The following DIAPH3 variants were observed in gnomAD, a reference collection of about 807,000 sequenced individuals.
The protein encoded by DIAPH3 is protein diaphanous homolog 3.
DIAPH3 carries 117 observed loss-of-function variants against 144.3 expected under a neutral mutation model. The ratio of observed to expected loss-of-function variants is 0.81; its 90% CI spans 0.70 to 0.95. The LOEUF (loss-of-function observed/expected upper bound fraction) is 0.95. DIAPH3 is among the 40% of genes least tolerant of loss of function. The pLI, the probability that DIAPH3 is intolerant of heterozygous loss-of-function variation, is 0.00. For missense variants in DIAPH3, 1,421 were observed against 1,412.7 expected, an observed-to-expected ratio of 1.01 and a Z score of -0.09; for synonymous variants, 519 against 488.9, an observed-to-expected ratio of 1.06 and a Z score of -0.81.
At chr13:59,854,099 G>T (rs1408130896) in intron 22 of DIAPH3, among the ~76,000 whole-genome samples, 1 of 152,080 alleles carries the variant, frequency 6.6e-6, no homozygotes, top group Non-Finnish European at 1.5e-5. Flanking sequence ...CATAAGCAGA[G>T]GTGAGGACCC....
chr13:59,737,418 A>T (rs1469021722), intron 27 of DIAPH3, among the ~76,000 whole-genome samples: 1 of 152,208 alleles, frequency 6.6e-6, no homozygotes, highest in Non-Finnish European at 1.5e-5. Flanking sequence ...TTGAGAATCT[A>T]CTATGTATTC....
intron 21 of DIAPH3, among the ~76,000 whole-genome samples, chr13:59,863,583 C>G (rs1004737898): frequency 2.6e-4 from 39 of 152,016 alleles, no homozygotes; most frequent in African/African-American, 9.2e-4. Context: ...TATCATAGAG[C>G]CGGGAACAGT....
chr13:60,017,167 G>T (rs995745057), intron 5 of DIAPH3, among the ~76,000 whole-genome samples: 17 of 152,096 alleles, frequency 1.1e-4, no homozygotes, highest in African/African-American at 4.1e-4. Context: ...ACTTTGGGAG[G>T]CAGAGGCGGG....
intron 1 of DIAPH3, among the ~76,000 whole-genome samples, chr13:60,150,381 G>A (rs1488204086): frequency 6.6e-6 from 1 of 152,096 alleles, no homozygotes; most frequent in Non-Finnish European, 1.5e-5. Context: ...CAATAGATGA[G>A]ATAAAGAAGT....
intron 18 of DIAPH3, among the ~76,000 whole-genome samples, chr13:59,923,788 T>C (rs1336154875): frequency 6.6e-6 from 1 of 152,140 alleles, no homozygotes; most frequent in Non-Finnish European, 1.5e-5. Flanking sequence ...TCCATGGGGA[T>C]CTTGGCAGGC....
intron 18 of DIAPH3, among the ~76,000 whole-genome samples, chr13:59,921,508 A>G (rs537569561): frequency 1.3e-5 from 2 of 152,036 alleles, no homozygotes; most frequent in Non-Finnish European, 1.5e-5. Flanking sequence ...CTAGAAACTT[A>G]TAACTTACCA....
intron 27 of DIAPH3, among the ~76,000 whole-genome samples, chr13:59,693,900 T>C (rs1044465375): frequency 6.6e-6 from 1 of 152,124 alleles, no homozygotes; most frequent in East Asian, 1.9e-4. Context: ...AATTATGAAA[T>C]GATGACATGT....
intron 3 of DIAPH3, 101 bp from the exon 4 acceptor site, chr13:60,093,833 CATTA>C (rs1446561112): frequency 6.3e-6 from 5 of 794,652 alleles, no homozygotes; most frequent in Non-Finnish European, 1.1e-5. Flanking sequence ...ACTAAAGCAG[CATTA>C]ATTGTTTTGG....
intron 4 of DIAPH3, among the ~76,000 whole-genome samples, chr13:60,067,188 G>A (rs2057001979): frequency 6.6e-6 from 1 of 151,948 alleles, no homozygotes; most frequent in Admixed American, 6.6e-5. Context: ...TGGAGGCTAA[G>A]GTGAAAGGAT....
intron 19 of DIAPH3, among the ~76,000 whole-genome samples, chr13:59,914,609 T>C (rs2780631): frequency 0.49 from 73,881 of 151,608 alleles, 19,323 homozygotes; most frequent in Non-Finnish European, 0.57. Flanking sequence ...CAAAAAGTTC[T>C]TATAAGTGGA....
intron 1 of DIAPH3, among the ~76,000 whole-genome samples, chr13:60,161,621 C>A (rs555397527): frequency 2.6e-5 from 4 of 152,296 alleles, no homozygotes; most frequent in African/African-American, 9.6e-5. Context: ...TCTCTGGAAT[C>A]CTACAGGTGA....
chr13:59,935,110 T>C (rs1219641292), intron 17 of DIAPH3, among the ~76,000 whole-genome samples: 1 of 152,234 alleles, frequency 6.6e-6, no homozygotes, highest in Non-Finnish European at 1.5e-5. Flanking sequence ...TTTTCCATAT[T>C]GACAGACTCC....
At chr13:60,125,177 C>T (rs1047106735) in intron 2 of DIAPH3, among the ~76,000 whole-genome samples, 1 of 152,038 alleles carries the variant, frequency 6.6e-6, no homozygotes, top group Admixed American at 6.6e-5. Context: ...TAACACACCG[C>T]TCTTCTAATT....
At position 59,717,187 on chromosome 13, in the gene DIAPH3, C is replaced by T. The variant is rs190100136; in HGVS notation, c.3320-50341G>A. On this transcript the variant is annotated intron_variant, in intron 27 of 27. Coordinates refer to ENST00000400324, the MANE Select transcript of DIAPH3 (RefSeq NM_001042517.2). ...AGTTAACGAAACCTTAGAACTACTCCGAGTTTGGGAAGGAATTAAAAAATC... is the reference window on the plus strand; with the variant it reads ...AGTTAACGAAACCTTAGAACTACTCTGAGTTTGGGAAGGAATTAAAAAATC... Among the ~76,000 whole-genome samples, 257 of 152,076 alleles carry T rather than the reference C, an allele frequency of 1.7e-3. 2 individuals are homozygous for T. Among genetic ancestry groups the T allele is most frequent in the African/African-American group, 5.9e-3 (244 of 41,490 alleles).
At chr13:60,010,747 T>C in intron 7 of DIAPH3, 78 bp from the exon 8 acceptor site, 1 of 1,420,428 alleles carries the variant, frequency 7.0e-7, no homozygotes, top group Non-Finnish European at 9.7e-7. Flanking sequence ...ATGTAGTTAT[T>C]AAAAAAAATT....
intron 27 of DIAPH3, among the ~76,000 whole-genome samples, chr13:59,748,924 T>C (rs995082481): frequency 1.3e-4 from 20 of 152,186 alleles, no homozygotes; most frequent in South Asian, 2.1e-4. Flanking sequence ...GTTTCAAAAG[T>C]AAAGCCAGGT....
At chr13:60,007,923 G>A (rs1166980806) in intron 9 of DIAPH3, among the ~76,000 whole-genome samples, 2 of 152,056 alleles carry the variant, frequency 1.3e-5, no homozygotes, top group African/African-American at 2.4e-5. Context: ...AAAAGTTAAA[G>A]TAATTTAAGA....
intron 25 of DIAPH3, among the ~76,000 whole-genome samples, chr13:59,801,738 T>C (rs1485913952): frequency 6.6e-6 from 1 of 152,210 alleles, no homozygotes; most frequent in East Asian, 1.9e-4. Context: ...ATATTGCTTA[T>C]AATTCTCTTG....
intron 25 of DIAPH3, among the ~76,000 whole-genome samples, chr13:59,775,771 G>A (rs776155827): frequency 2.0e-5 from 3 of 151,966 alleles, no homozygotes; most frequent in Non-Finnish European, 4.4e-5. Flanking sequence ...ATCAAAAGAG[G>A]CTCTCTGAAA....
Sources: gnomAD v4.1 joint callset for allele counts (sites outside exome capture counted in the v4.1 genomes callset) on GRCh38, gnomAD v4.1.1 for gene constraint, MANE v1.5 for transcripts, NCBI Gene and HGNC (gene_info 2026-07-23, HGNC 2026-07-21) for gene names.